The following AMPD3 variants were observed in gnomAD, a reference collection of about 807,000 sequenced individuals.
AMPD3 encodes adenosine monophosphate deaminase 3, also known as AMP deaminase 3.
A neutral mutation model predicts 82.3 loss-of-function variants in AMPD3; 57 were observed. The observed-to-expected ratio is 0.69, with a 90% CI of 0.56 to 0.86. The LOEUF (loss-of-function observed/expected upper bound fraction) is 0.86. Ranked by LOEUF, AMPD3 falls within the 40% of genes least tolerant of loss-of-function variation. AMPD3 has a pLI of 0.00. For missense variants in AMPD3, 870 were observed against 1,003.8 expected, an observed-to-expected ratio of 0.87 and a Z score of 1.80; for synonymous variants, 381 against 394.7, an observed-to-expected ratio of 0.97 and a Z score of 0.41.
intron 10 of AMPD3, chr11:10,497,777 T>A (rs1271628253): frequency 2.0e-6 from 2 of 985,200 alleles, no homozygotes; most frequent in Non-Finnish European, 2.4e-6. Context: ...GGAGGGGAGC[T>A]TGACCCAGCG....
chr11:10,490,419 C>A, intron 6 of AMPD3: 1 of 910,430 alleles, frequency 1.1e-6, no homozygotes, highest in Non-Finnish European at 1.3e-6. Flanking sequence ...GAAAAGAGTG[C>A]TGTGTTCGAT....
intron 14 of AMPD3, chr11:10,505,503 T>C: frequency 1.0e-6 from 1 of 962,360 alleles, no homozygotes; most frequent in Non-Finnish European, 1.2e-6. Context: ...TGTCTGAGGA[T>C]GACTGAGGTT....
intron 12 of AMPD3, 23 bp downstream of exon 12, chr11:10,501,613 C>G: frequency 2.5e-6 from 4 of 1,614,102 alleles, no homozygotes; most frequent in Non-Finnish European, 3.4e-6. Context: ...CTCTCGGGAG[C>G]CCGTCCTGAG....
At position 10,456,403 on chromosome 11, in the gene AMPD3, G is replaced by C; in HGVS notation, c.-6+955G>C. On this transcript the variant is annotated intron_variant, in intron 1 of 14. Coordinates refer to ENST00000396553, the MANE Select transcript of AMPD3 (RefSeq NM_001025389.2). This position sits in a 1 kb window ranked among gnomAD's most constrained non-coding sequence, Gnocchi z 4.3. Reference sequence around the variant, plus strand: ...GGACCAGTCATGGAGCCAGGCTCAGGTCTGTGTCGGGGCTTCTGCAAGGGG... The same window carrying C: ...GGACCAGTCATGGAGCCAGGCTCAGCTCTGTGTCGGGGCTTCTGCAAGGGG... 2 of 1,613,822 alleles carry C rather than the reference G, an allele frequency of 1.2e-6. No individual in the cohort carries two copies. Among genetic ancestry groups the C allele is most frequent in the South Asian group, 2.2e-5 (2 of 91,078 alleles).
At chr11:10,477,877 A>T in intron 2 of AMPD3, 1 of 985,402 alleles carries the variant, frequency 1.0e-6, no homozygotes, top group Non-Finnish European at 1.2e-6. Flanking sequence ...GGCACCCAGT[A>T]GGTCTGCTGC....
intron 2 of AMPD3, among the ~76,000 whole-genome samples, chr11:10,473,057 G>A (rs1848639647): frequency 6.6e-6 from 1 of 152,098 alleles, no homozygotes; most frequent in Non-Finnish European, 1.5e-5. Flanking sequence ...ATCACTTGAG[G>A]CCAGGAGTTT....
At chr11:10,478,359 CAT>C (rs1488428287) in intron 2 of AMPD3, 165 bp from the exon 3 acceptor site, 164 of 983,818 alleles carry the variant, frequency 1.7e-4, no homozygotes, top group Non-Finnish European at 1.3e-4. Flanking sequence ...CTCAGGCAGA[CAT>C]GTGTAAGAGG....
chr11:10,501,009 G>T, intron 11 of AMPD3: 1 of 985,424 alleles, frequency 1.0e-6, no homozygotes, highest in South Asian at 4.7e-5. Flanking sequence ...AGGCAGTCCT[G>T]GGCTGAGCTT....
At position 10,456,723 on chromosome 11, in the gene AMPD3, C is replaced by A; in HGVS notation, c.-6+1275C>A. On this transcript the variant is annotated intron_variant, in intron 1 of 14. Transcript: ENST00000396553. This position sits in a 1 kb window ranked among gnomAD's most constrained non-coding sequence, Gnocchi z 4.3. ...TTGGAAGCCAGGCGTGAACATGCAG[C>A]TGGAGCTGAAGCTCTGCTTGGCATC... The A allele has an allele frequency of 3.5e-6, 2 of 568,126 alleles. No homozygotes were observed. The highest frequency in any genetic ancestry group is 4.5e-6 in the Non-Finnish European group (2 of 448,644). 35.2% of individuals were successfully genotyped at this position (568,126 alleles called of 1,614,324 possible).
chr11:10,486,000 A>C (rs1849057169), intron 5 of AMPD3, among the ~76,000 whole-genome samples: 1 of 140,648 alleles, frequency 7.1e-6, no homozygotes, highest in Non-Finnish European at 1.6e-5. Flanking sequence ...TTGTGATGCC[A>C]GTCTCGAAAG....
At chr11:10,473,854 G>A (rs182265186) in intron 2 of AMPD3, among the ~76,000 whole-genome samples, 1 of 152,252 alleles carries the variant, frequency 6.6e-6, no homozygotes, top group African/African-American at 2.4e-5. Context: ...TGCCTGTCCC[G>A]CCTGATGGCA....
chr11:10,470,540 T>C (rs1848558725), intron 2 of AMPD3, among the ~76,000 whole-genome samples: 1 of 152,220 alleles, frequency 6.6e-6, no homozygotes, highest in Non-Finnish European at 1.5e-5. Flanking sequence ...TGTTTGTGGA[T>C]GACATGATTG....
In AMPD3 at chr11:10,504,576, G is replaced by C; in HGVS notation, c.2044G>C (p.Ala682Pro). Residue 682 changes from alanine to proline, a missense_variant, in exon 14 of 15, where the codon GCA (alanine) becomes CCA (proline). Physicochemically the swap from Ala to Pro is conservative, Grantham distance 27 (BLOSUM62 -1). Coordinates refer to ENST00000396553, the MANE Select transcript of AMPD3 (RefSeq NM_001025389.2). ...AGCACTTATGGAAGAATATGCCATT[G>C]CAGCTCAAGTGTGGAAGCTGAGCAC... Reference protein sequence around the residue: ...KEALMEEYAIAAQVWKLSTCD... With the variant: ...KEALMEEYAIPAQVWKLSTCD... 1 of 1,614,222 alleles carries C rather than the reference G, an allele frequency of 6.2e-7. No homozygotes were observed. The highest frequency in any genetic ancestry group is 1.1e-5 in the South Asian group (1 of 91,088).
chr11:10,475,808 A>G (rs997128965), intron 2 of AMPD3, among the ~76,000 whole-genome samples: 5 of 152,308 alleles, frequency 3.3e-5, no homozygotes, highest in South Asian at 2.1e-4. Flanking sequence ...AGTGAGGTCA[A>G]TAGGAGTTGA....
Position 10,496,724 on chromosome 11 carries a change from G to C in AMPD3, c.1431-88G>C, listed in dbSNP as rs560836894. Reference sequence around the variant, plus strand: ...TTCTGGGTGTTTGATGGGGACACAGGGTGCCTGAGGAAGTGACTGGGGCTG... The same window carrying C: ...TTCTGGGTGTTTGATGGGGACACAGCGTGCCTGAGGAAGTGACTGGGGCTG... On this transcript the variant is annotated intron_variant, in intron 9 of 14. Coordinates refer to ENST00000396553, the MANE Select transcript of AMPD3 (RefSeq NM_001025389.2). The C allele has an allele frequency of 2.4e-3, 3,812 of 1,603,182 alleles. 6 individuals carry two copies. The highest frequency in any genetic ancestry group is 2.9e-3 in the Non-Finnish European group (3,389 of 1,172,162).
intron 2 of AMPD3, among the ~76,000 whole-genome samples, chr11:10,462,524 T>C (rs76846960): frequency 6.6e-6 from 1 of 152,116 alleles, no homozygotes; most frequent in African/African-American, 2.4e-5. Context: ...AAGGCAGAGA[T>C]GGAGGCAGGC....
At chr11:10,459,021 T>A (rs1848182170) in intron 1 of AMPD3, among the ~76,000 whole-genome samples, 1 of 152,080 alleles carries the variant, frequency 6.6e-6, no homozygotes, top group Non-Finnish European at 1.5e-5. Context: ...TTCCAGACTT[T>A]CTCTCCCCTG....
chr11:10,475,535 T>A (rs1848713755), intron 2 of AMPD3, among the ~76,000 whole-genome samples: 1 of 152,130 alleles, frequency 6.6e-6, no homozygotes. Context: ...GAGGTAGAAT[T>A]TCTAAAACGG....
chr11:10,485,816 C>T (rs1849051980), intron 5 of AMPD3, among the ~76,000 whole-genome samples: 1 of 138,322 alleles, frequency 7.2e-6, no homozygotes, highest in Non-Finnish European at 1.7e-5. Context: ...CTCCAGCTAA[C>T]CTGGTGGGCA....
Sources: gnomAD v4.1 joint callset for allele counts (sites outside exome capture counted in the v4.1 genomes callset) on GRCh38, gnomAD v4.1.1 for gene constraint, Gnocchi (gnomAD v3.1) non-coding constraint, MANE v1.5 for transcripts, NCBI Gene and HGNC (gene_info 2026-07-23, HGNC 2026-07-21) for gene names.